The following UBE2W variants were observed in gnomAD, a reference collection of about 807,000 sequenced individuals.
UBE2W encodes ubiquitin conjugating enzyme E2 W, also known as ubiquitin-conjugating enzyme E2 W.
A neutral mutation model predicts 27.2 loss-of-function variants in UBE2W; 18 were observed. That is an observed-to-expected ratio of 0.66 (90% CI 0.46 to 0.98). The LOEUF is 0.98. Ranked by LOEUF, UBE2W falls within the 50% of genes least tolerant of loss-of-function variation. The pLI is 0.00. For missense variants in UBE2W, 90 were observed against 180.2 expected (o/e 0.50, Z 2.87); for synonymous variants, 53 against 57.2 (o/e 0.93, Z 0.33).
intron 1 of UBE2W, among the ~76,000 whole-genome samples, chr8:73,847,583 C>G (rs1810865903): frequency 6.6e-6 from 1 of 152,100 alleles, no homozygotes; most frequent in African/African-American, 2.4e-5. Flanking sequence ...AGAAAAAACT[C>G]AAATGTCCAT....
chr8:73,832,136 A>AATATATATATATATAT (rs111764105), intron 1 of UBE2W, among the ~76,000 whole-genome samples: 3,489 of 145,238 alleles, frequency 0.024, 154 homozygotes, highest in African/African-American at 0.086. Flanking sequence ...AAAATAAATA[A>AATATATATATATATAT]ATATATATAT....
chr8:73,789,060 C>T lies in UBE2W; in HGVS notation c.*5042G>A. On this transcript the variant is annotated 3_prime_UTR_variant, in exon 6 of 6. Coordinates refer to ENST00000602593, the MANE Select transcript of UBE2W (RefSeq NM_018299.6). ...ATATGAAAATTAAAATTACAATTAA[C>T]ATCTCACCAGGATCAAAGAACCCTA... The T allele has an allele frequency of 1.0e-6, 1 of 985,082 alleles. No homozygotes were observed. The allele number at this position is 985,082 out of a possible 1,614,324, so 61.0% of individuals were successfully genotyped here.
At chr8:73,825,318 AC>A in intron 2 of UBE2W, 69 bp from the exon 3 acceptor site, 1 of 1,106,118 alleles carries the variant, frequency 9.0e-7, no homozygotes, top group Non-Finnish European at 1.3e-6. Context: ...AAAAGAGGAC[AC>A]CAAGTACTTC....
Position 73,787,240 on chromosome 8 carries a change from A to G in UBE2W, c.*6862T>C. 1.0e-6 allele frequency: 1 copy of G among 985,474 alleles called. No homozygotes were observed. The highest frequency in any genetic ancestry group is 1.7e-5 in the African/African-American group (1 of 57,376). The allele number at this position is 985,474 out of a possible 1,614,324, so 61.0% of individuals were successfully genotyped here. On this transcript the variant is annotated 3_prime_UTR_variant, in exon 6 of 6. Coordinates refer to ENST00000602593, the MANE Select transcript of UBE2W (RefSeq NM_018299.6). ...TTTGAGCTTTGTTGTCCAAGTACAC[A>G]AAACTCTTAGCTGTCTCACTTGCTT...
intron 4 of UBE2W, among the ~76,000 whole-genome samples, chr8:73,780,679 T>A (rs1374768175): frequency 1.3e-5 from 2 of 151,852 alleles, no homozygotes; most frequent in Non-Finnish European, 2.9e-5. Context: ...ACCACCACAT[T>A]CAGCTAATTT....
At chr8:73,807,432 C>T (rs2130868240) in intron 4 of UBE2W, among the ~76,000 whole-genome samples, 1 of 152,264 alleles carries the variant, frequency 6.6e-6, no homozygotes, top group East Asian at 1.9e-4. Flanking sequence ...ACTTCTAAAA[C>T]TCATATATGT....
chr8:73,859,004 G>A (rs2130966975), intron 1 of UBE2W, among the ~76,000 whole-genome samples: 1 of 151,208 alleles, frequency 6.6e-6, no homozygotes, highest in South Asian at 2.1e-4. Flanking sequence ...GTGTGTGTGT[G>A]TGTGTGTGTG....
At chr8:73,847,686 G>A (rs1364313750) in intron 1 of UBE2W, among the ~76,000 whole-genome samples, 6 of 152,136 alleles carry the variant, frequency 3.9e-5, no homozygotes, top group Non-Finnish European at 7.3e-5. Flanking sequence ...TGGATCACCC[G>A]AGGTCAGGAG....
intron 1 of UBE2W, among the ~76,000 whole-genome samples, chr8:73,873,639 G>A (rs1812099552): frequency 6.6e-6 from 1 of 152,164 alleles, no homozygotes; most frequent in African/African-American, 2.4e-5. Context: ...CTGGGTGACA[G>A]AGTGAGACCC....
intron 4 of UBE2W, among the ~76,000 whole-genome samples, chr8:73,806,584 G>A (rs181056974): frequency 2.0e-5 from 3 of 150,814 alleles, no homozygotes; most frequent in African/African-American, 4.9e-5. Flanking sequence ...GTTGGCGGGC[G>A]CCTGTAGTCC....
At chr8:73,826,295 G>A (rs1809830835) in intron 2 of UBE2W, among the ~76,000 whole-genome samples, 1 of 152,164 alleles carries the variant, frequency 6.6e-6, no homozygotes, top group Non-Finnish European at 1.5e-5. Context: ...AAGGGATAAT[G>A]ACAGCAAAGA....
intron 1 of UBE2W, among the ~76,000 whole-genome samples, chr8:73,868,307 A>G (rs556750521): frequency 6.6e-6 from 1 of 152,176 alleles, no homozygotes; most frequent in Non-Finnish European, 1.5e-5. Flanking sequence ...GAGTTTGGAG[A>G]GCTTTTGAAT....
intron 1 of UBE2W, among the ~76,000 whole-genome samples, chr8:73,858,985 T>TGA (rs1401759863): frequency 9.0e-6 from 1 of 111,312 alleles, no homozygotes; most frequent in Non-Finnish European, 1.9e-5. Flanking sequence ...TTTGCGTGTG[T>TGA]GTGTGTGTGT....
intron 1 of UBE2W, among the ~76,000 whole-genome samples, chr8:73,855,385 T>G (rs977687696): frequency 2.0e-5 from 3 of 150,534 alleles, no homozygotes; most frequent in Admixed American, 2.0e-4. Flanking sequence ...CATCTTTATA[T>G]TCTACTTTCT....
In UBE2W at chr8:73,786,725, G is replaced by C; in HGVS notation, c.*7377C>G. The C allele has an allele frequency of 5.1e-6, 5 of 985,434 alleles. No homozygotes were observed. Among genetic ancestry groups the C allele is most frequent in the Non-Finnish European group, 6.0e-6 (5 of 829,944 alleles). 61.0% of individuals were successfully genotyped at this position (985,434 alleles called of 1,614,324 possible). On this transcript the variant is annotated 3_prime_UTR_variant, in exon 6 of 6. Coordinates refer to ENST00000602593, the MANE Select transcript of UBE2W (RefSeq NM_018299.6). ...CCTAGGGACACCAAGGCCAGGTAGT[G>C]AAAGGCCCTAATGGTAAGGAGACTG...
At chr8:73,800,693 G>A (rs969952020) in intron 5 of UBE2W, among the ~76,000 whole-genome samples, 15 of 152,112 alleles carry the variant, frequency 9.9e-5, no homozygotes, top group African/African-American at 1.9e-4. Flanking sequence ...GGTACTTCTC[G>A]GCTTACTTGG....
chr8:73,781,081 C>T (rs530982274), intron 4 of UBE2W, among the ~76,000 whole-genome samples: 5 of 151,582 alleles, frequency 3.3e-5, no homozygotes, highest in Admixed American at 2.6e-4. Flanking sequence ...ACCAGCCTGG[C>T]CAACATGGTG....
Position 73,825,055 on chromosome 8 carries a change from A to G in UBE2W, c.210+92T>C, listed in dbSNP as rs75900195. On this transcript the variant is annotated intron_variant, in intron 3 of 5. Coordinates refer to ENST00000602593, the MANE Select transcript of UBE2W (RefSeq NM_018299.6). ...AAATAACAAATCCATCTACATACGT[A>G]TAACTGATTTATATGTTTTTACTGA... 0.017 allele frequency: 12,741 copies of G among 737,250 alleles called. 1,127 individuals are homozygous for G. The African/African-American group carries it at 0.19, about 11-fold the overall frequency. 45.7% of individuals were successfully genotyped at this position (737,250 alleles called of 1,614,324 possible).
intron 1 of UBE2W, among the ~76,000 whole-genome samples, chr8:73,856,728 C>G (rs1008327488): frequency 1.3e-5 from 2 of 150,790 alleles, no homozygotes; most frequent in Non-Finnish European, 3.0e-5. Flanking sequence ...TTTTTTGAGA[C>G]AGGGTGTTGC....
Sources: gnomAD v4.1 joint callset for allele counts (sites outside exome capture counted in the v4.1 genomes callset) on GRCh38, gnomAD v4.1.1 for gene constraint, MANE v1.5 for transcripts, NCBI Gene and HGNC (gene_info 2026-07-23, HGNC 2026-07-21) for gene names.